TMEM68: variants seen among roughly 807,000 people sequenced by gnomAD.
The protein encoded by TMEM68 is transmembrane protein 68, also known as DGAT1/2-independent enzyme synthesizing storage lipids.
In TMEM68, 25 loss-of-function variants were observed where a neutral mutation model predicts 36.9. The observed-to-expected ratio is 0.68, with a 90% CI of 0.49 to 0.95. TMEM68 has a LOEUF of 0.95. TMEM68 is among the 40% of genes least tolerant of loss of function. The pLI, the probability that TMEM68 is intolerant of heterozygous loss-of-function variation, is 0.00. For synonymous variants in TMEM68, 131 were observed against 124.4 expected, an observed-to-expected ratio of 1.05 and a Z score of -0.35; for missense variants, 333 against 392.0, an observed-to-expected ratio of 0.85 and a Z score of 1.27.
At chr8:55,767,084 G>A (rs1330949807) in intron 1 of TMEM68, among the ~76,000 whole-genome samples, 1 of 72,592 alleles carries the variant, frequency 1.4e-5, no homozygotes, top group Admixed American at 1.6e-4. Flanking sequence ...TAAGACTATC[G>A]TGAAGATTAC....
chr8:55,742,257 T>C (rs564077184), intron 7 of TMEM68, among the ~76,000 whole-genome samples: 2 of 152,172 alleles, frequency 1.3e-5, no homozygotes, highest in East Asian at 3.9e-4. Flanking sequence ...AAATGGGAAG[T>C]TGGTGTTCAA....
intron 3 of TMEM68, chr8:55,761,733 A>G (rs1306567141): frequency 6.6e-6 from 1 of 152,232 alleles, no homozygotes; most frequent in Non-Finnish European, 1.5e-5. Context: ...AAATGAAAAT[A>G]CATTAGTCTA....
In TMEM68 at chr8:55,748,275, C is replaced by G. The variant is rs183313097; in HGVS notation, c.687+2689G>C. Among the ~76,000 whole-genome samples, 287 of 152,328 alleles carry G rather than the reference C, an allele frequency of 1.9e-3. 3 individuals carry two copies. Among genetic ancestry groups the G allele is most frequent in the Middle Eastern group, 3.4e-3 (1 of 294 alleles). ...CCGCCTCCTGGGTTTTTAAGCAACT[C>G]TCCTGCCTCAGCCTCCCATGTAGCT... is the stretch of plus-strand genomic sequence containing the variant. On this transcript the variant is annotated intron_variant, in intron 5 of 7. Coordinates refer to ENST00000434581, the MANE Select transcript of TMEM68 (RefSeq NM_001286657.2).
chr8:55,768,143 TAAA>T (rs75152350), intron 1 of TMEM68, among the ~76,000 whole-genome samples: 1 of 139,212 alleles, frequency 7.2e-6, no homozygotes, highest in Non-Finnish European at 1.6e-5. Flanking sequence ...GAGACAGCTT[TAAA>T]AAAAAAAAAA....
rs140182184 is a variant in TMEM68, at chr8:55,769,153, T to A, written c.-115+4116A>T. ...CAGCCTGGCCAACATGGTAATGCCG[T>A]CTCTACTAAAAACACAAAAATTAGC... On this transcript the variant is annotated intron_variant, in intron 1 of 7. Coordinates refer to ENST00000434581, the MANE Select transcript of TMEM68 (RefSeq NM_001286657.2). Among the ~76,000 whole-genome samples, 434 of 149,808 alleles carry A rather than the reference T, an allele frequency of 2.9e-3. 2 individuals are homozygous for A. Among genetic ancestry groups the A allele is most frequent in the Non-Finnish European group, 5.4e-3 (365 of 67,472 alleles).
chr8:55,759,461 C>T (rs1196734333), intron 3 of TMEM68, among the ~76,000 whole-genome samples: 1 of 151,960 alleles, frequency 6.6e-6, no homozygotes, highest in East Asian at 1.9e-4. Context: ...GTCCCAGCTA[C>T]TCGGGCGGCT....
intron 3 of TMEM68, among the ~76,000 whole-genome samples, chr8:55,760,534 A>G (rs1386837682): frequency 2.0e-5 from 3 of 152,270 alleles, no homozygotes; most frequent in African/African-American, 7.2e-5. Flanking sequence ...CCACTTGTAT[A>G]GAAGACAAAA....
intron 3 of TMEM68, chr8:55,761,048 T>C (rs1810775308): frequency 6.6e-6 from 1 of 152,172 alleles, no homozygotes; most frequent in Non-Finnish European, 1.5e-5. Flanking sequence ...ACTCACATAA[T>C]ACCAAACCAC....
intron 7 of TMEM68, among the ~76,000 whole-genome samples, chr8:55,743,071 TTTTC>T (rs1049727626): frequency 6.6e-6 from 1 of 152,208 alleles, no homozygotes; most frequent in Non-Finnish European, 1.5e-5. Flanking sequence ...TTCTCAGCAC[TTTTC>T]TTTCTTTCTC....
rs2129887265 is a variant in TMEM68 at position 55,739,721 on chromosome 8, G to GC, written c.*410dup. ...TGAAGGGAATGAGGGGCAGACAACA[G>GC]CATGTTTTTTCTAACTTAAACAACT... On this transcript the variant is annotated 3_prime_UTR_variant, in exon 8 of 8. Coordinates refer to ENST00000434581, the MANE Select transcript of TMEM68 (RefSeq NM_001286657.2). The GC allele has an allele frequency of 6.4e-6, 1 of 155,286 alleles. No individual in the cohort carries two copies. Among genetic ancestry groups the GC allele is most frequent in the East Asian group, 1.9e-4 (1 of 5,298 alleles). The allele number at this position is 155,286 out of a possible 1,614,324, so 9.6% of individuals were successfully genotyped here.
intron 1 of TMEM68, among the ~76,000 whole-genome samples, chr8:55,771,546 G>T (rs1192130079): frequency 6.6e-6 from 1 of 152,156 alleles, no homozygotes; most frequent in Non-Finnish European, 1.5e-5. Context: ...GAGCCTGGGA[G>T]GTAGAGGTTG....
At chr8:55,751,622 T>C in intron 4 of TMEM68, 2 of 343,006 alleles carry the variant, frequency 5.8e-6, no homozygotes, top group Admixed American at 9.2e-5. Flanking sequence ...AAGACCATGA[T>C]CAAATCTATT....
chr8:55,745,381 A>G (rs1810241027), intron 5 of TMEM68: 1 of 228,056 alleles, frequency 4.4e-6, no homozygotes, highest in South Asian at 1.8e-4. Context: ...TGATTATGCA[A>G]ACTTTTGAGG....
At chr8:55,741,425 C>T (rs931922311) in intron 7 of TMEM68, among the ~76,000 whole-genome samples, 1 of 152,048 alleles carries the variant, frequency 6.6e-6, no homozygotes. Context: ...TTTATTCATT[C>T]GAAAAATATT....
chr8:55,770,417 G>C (rs1811116982), intron 1 of TMEM68, among the ~76,000 whole-genome samples: 2 of 152,316 alleles, frequency 1.3e-5, no homozygotes, highest in South Asian at 4.1e-4. Context: ...GCTCACGCCT[G>C]TGATTCCAAC....
intron 1 of TMEM68, among the ~76,000 whole-genome samples, chr8:55,770,410 C>T (rs1187549962): frequency 6.6e-6 from 1 of 152,186 alleles, no homozygotes; most frequent in Non-Finnish European, 1.5e-5. Flanking sequence ...CAGGGTGGCT[C>T]ACGCCTGTGA....
rs184325413 is a variant in TMEM68 at position 55,750,595 on chromosome 8, A to C, written c.687+369T>G. Among the ~76,000 whole-genome samples, 537 of 143,068 alleles carry C rather than the reference A, an allele frequency of 3.8e-3. 3 individuals are homozygous for C. The highest frequency in any genetic ancestry group is 0.018 in the South Asian group (75 of 4,268). The allele number at this position is 143,068 out of a possible 152,430, so 93.9% of individuals were successfully genotyped here. A position where few individuals can be genotyped will look rare whatever the true frequency, so the allele number is the denominator to read the frequency against. On this transcript the variant is annotated intron_variant, in intron 5 of 7. Transcript: ENST00000434581. ...CACTCTGTCACCCAGGCTGGAGTGC[A>C]GTGGTGCGATCTCAGCTCACTGCAA...
At chr8:55,748,340 T>C (rs1457543212) in intron 5 of TMEM68, among the ~76,000 whole-genome samples, 3 of 152,106 alleles carry the variant, frequency 2.0e-5, no homozygotes, top group Non-Finnish European at 4.4e-5. Context: ...ACTAACTTTT[T>C]TGTGTGTTTT....
At chr8:55,754,472 C>G (rs529714907) in intron 4 of TMEM68, among the ~76,000 whole-genome samples, 1 of 83,848 alleles carries the variant, frequency 1.2e-5, no homozygotes, top group Admixed American at 1.4e-4. Flanking sequence ...TATATACACA[C>G]ACACACACAC....
Sources: gnomAD v4.1 joint callset for allele counts (sites outside exome capture counted in the v4.1 genomes callset) on GRCh38, gnomAD v4.1.1 for gene constraint, MANE v1.5 for transcripts, NCBI Gene and HGNC (gene_info 2026-07-23, HGNC 2026-07-21) for gene names.